The following CACNA1I variants were observed in gnomAD, a reference collection of about 807,000 sequenced individuals.
The protein encoded by CACNA1I is calcium voltage-gated channel subunit alpha1 I, also known as voltage-dependent T-type calcium channel subunit alpha-1I.
Under a neutral mutation model 201.6 loss-of-function variants are expected in CACNA1I, and 74 were observed. That is an observed-to-expected ratio of 0.37 (90% CI 0.30 to 0.45). The LOEUF (loss-of-function observed/expected upper bound fraction) is 0.45. CACNA1I is among the 20% of genes least tolerant of loss of function. The pLI, the probability that CACNA1I is intolerant of heterozygous loss-of-function variation, is 1.00. For missense variants in CACNA1I, 2,346 were observed against 3,138.1 expected (o/e 0.75, Z 6.03); for synonymous variants, 1,431 against 1,345.2 (o/e 1.06, Z -1.40).
At position 39,570,998 on chromosome 22, in the gene CACNA1I, G is replaced by T. The variant is rs781323454; in HGVS notation, c.236+10G>T. The T allele has an allele frequency of 8.7e-6, 14 of 1,608,142 alleles. No individual in the cohort carries two copies. In the African/African-American group the frequency reaches 1.6e-4, roughly 18 times the overall value. On this transcript the variant is annotated intron_variant, in intron 1 of 36. Coordinates refer to ENST00000402142, the MANE Select transcript of CACNA1I (RefSeq NM_021096.4). ...AGATGGTGTGCAACCCATATCCTCCGCAGCCTCGGCTGATCGGGGCCCTGC... is the reference window on the plus strand; with the variant it reads ...AGATGGTGTGCAACCCATATCCTCCTCAGCCTCGGCTGATCGGGGCCCTGC...
At chr22:39,581,091 A>G (rs1055741996) in intron 1 of CACNA1I, among the ~76,000 whole-genome samples, 1 of 152,138 alleles carries the variant, frequency 6.6e-6, no homozygotes, top group Non-Finnish European at 1.5e-5. Flanking sequence ...GGTAGAGGGA[A>G]CCTCTGGGGG....
In CACNA1I at chr22:39,649,218, G is replaced by A. The variant is rs1351655873; in HGVS notation, c.1568-283G>A. Among the ~76,000 whole-genome samples the A allele has an allele frequency of 1.3e-5, 2 of 152,228 alleles. No individual in the cohort carries two copies. The highest frequency in any genetic ancestry group is 1.3e-4 in the Admixed American group (2 of 15,294). ...GGAGGGATGGCCGGTCAGCACGGAT[G>A]CGCGCCCTGCACCGTGCTGGGCCCA... On this transcript the variant is annotated intron_variant, in intron 9 of 36. Transcript: ENST00000402142. The surrounding 1 kb of genome is among the most constrained non-coding windows in gnomAD (Gnocchi z 7.3).
intron 1 of CACNA1I, among the ~76,000 whole-genome samples, chr22:39,572,081 G>T (rs1932202574): frequency 6.6e-6 from 1 of 152,188 alleles, no homozygotes; most frequent in Non-Finnish European, 1.5e-5. Context: ...AGTGAGGTGA[G>T]GCTGCAGGTG....
At chr22:39,673,167 TGGGGTGGGGA>T (rs1001676167) in intron 28 of CACNA1I, 85 bp downstream of exon 28, 5 of 160,174 alleles carry the variant, frequency 3.1e-5, no homozygotes, top group African/African-American at 1.8e-4. Context: ...CACACAGGAG[TGGGGTGGGGA>T]GGGGTGGGGG....
At chr22:39,643,860 C>CAG (rs1411782845) in intron 7 of CACNA1I, among the ~76,000 whole-genome samples, 3 of 152,244 alleles carry the variant, frequency 2.0e-5, no homozygotes, top group Non-Finnish European at 4.4e-5. Flanking sequence ...TTCAGGAAAC[C>CAG]CACACTGCAC....
Position 39,647,822 on chromosome 22 carries a change from A to G in CACNA1I, c.1463A>G (p.His488Arg), listed in dbSNP as rs2146428217. 1.3e-6 allele frequency: 2 copies of G among 1,590,438 alleles called. No homozygotes were observed. Among genetic ancestry groups the G allele is most frequent in the East Asian group, 4.5e-5 (2 of 44,732 alleles). ...GPHAKEPRHY[H>R]GKTKGQGDEG... ...TAGTAATATTATCTCCACTTTTCAG[A>G]TGGGAAGACTAAGGGTCAGGGAGAT... Residue 488 changes from histidine to arginine, a missense_variant and splice_region_variant, in exon 9 of 37, where the codon CAT (histidine) becomes CGT (arginine). This residue lies in a region of CACNA1I where 312 missense variants were observed against 331.5 expected (regional missense o/e 0.94). Coordinates refer to ENST00000402142, the MANE Select transcript of CACNA1I (RefSeq NM_021096.4).
At chr22:39,626,229 C>G (rs368704843) in intron 4 of CACNA1I, among the ~76,000 whole-genome samples, 1 of 152,384 alleles carries the variant, frequency 6.6e-6, no homozygotes, top group Admixed American at 6.5e-5. Context: ...CCCCAGCTCT[C>G]AAGAGAAGTT....
intron 5 of CACNA1I, among the ~76,000 whole-genome samples, chr22:39,637,268 G>T (rs145919108): frequency 3.3e-4 from 50 of 152,340 alleles, no homozygotes; most frequent in Middle Eastern, 6.8e-3. Flanking sequence ...ACCAGCCAGG[G>T]TGGGGACCAA....
chr22:39,617,634 GCT>G (rs1933583124), intron 3 of CACNA1I, among the ~76,000 whole-genome samples: 1 of 152,126 alleles, frequency 6.6e-6, no homozygotes. Flanking sequence ...TGCCTGGAGA[GCT>G]CTTTCTACAA....
At chr22:39,668,838 G>A (rs981508702) in intron 24 of CACNA1I, among the ~76,000 whole-genome samples, 1 of 152,202 alleles carries the variant, frequency 6.6e-6, no homozygotes, top group Non-Finnish European at 1.5e-5. Flanking sequence ...AAGCCCCCGG[G>A]TGTGCCATGA....
Position 39,684,221 on chromosome 22 carries a change from T to C in CACNA1I, c.5831-81T>C. On this transcript the variant is annotated intron_variant, in intron 35 of 36. Transcript: ENST00000402142. The surrounding 1 kb of genome is among the most constrained non-coding windows in gnomAD (Gnocchi z 4.6). ...GCCCCTCACTGCTGGCCCAGTGAGATTGGTGCTCAATGCCACCTTCCAGGG... is the reference window on the plus strand; with the variant it reads ...GCCCCTCACTGCTGGCCCAGTGAGACTGGTGCTCAATGCCACCTTCCAGGG... The C allele has an allele frequency of 5.7e-6, 7 of 1,223,128 alleles. No homozygotes were observed. The highest frequency in any genetic ancestry group is 1.3e-5 in the South Asian group (1 of 76,816). The allele number at this position is 1,223,128 out of a possible 1,614,324, so 75.8% of individuals were successfully genotyped here. A position where few individuals can be genotyped will look rare whatever the true frequency, so the allele number is the denominator to read the frequency against.
Position 39,653,036 on chromosome 22 carries a change from C to T in CACNA1I, c.1992+3111C>T, listed in dbSNP as rs136837. On this transcript the variant is annotated intron_variant, in intron 10 of 36. Coordinates refer to ENST00000402142, the MANE Select transcript of CACNA1I (RefSeq NM_021096.4). The stretch of plus-strand genomic sequence containing the variant: ...CCCATCTGTAAATGGGTACACGGAT[C>T]CCCCCACACGGTGGCTAAGAGGGCT... Among the ~76,000 whole-genome samples the T allele has an allele frequency of 2.2e-3, 268 of 124,192 alleles. 1 individual carries two copies. Among genetic ancestry groups the T allele is most frequent in the African/African-American group, 6.8e-3 (265 of 38,784 alleles). 81.5% of individuals were successfully genotyped at this position (124,192 alleles called of 152,430 possible). A position where few individuals can be genotyped will look rare whatever the true frequency, so the allele number is the denominator to read the frequency against.
chr22:39,634,510 G>T (rs58871994), intron 4 of CACNA1I, 55 bp from the exon 5 acceptor site: 146 of 1,578,798 alleles, frequency 9.2e-5, no homozygotes, highest in Non-Finnish European at 1.2e-4. Context: ...TCACTCTTTC[G>T]TCTCTGGGAC....
chr22:39,680,336 G>A lies in CACNA1I; in HGVS notation c.5541+468G>A, dbSNP rs144753723. Among the ~76,000 whole-genome samples the A allele has an allele frequency of 2.3e-3, 351 of 152,248 alleles. 2 individuals carry two copies. The highest frequency in any genetic ancestry group is 7.9e-3 in the African/African-American group (330 of 41,542). ...CCATGGGCCTGCCTCCAGAGCAGGC[G>A]CAGTTAGCCCCCTCCCCTCTCCCCA... On this transcript the variant is annotated intron_variant, in intron 33 of 36. Transcript: ENST00000402142.
intron 15 of CACNA1I, 86 bp from the exon 16 acceptor site, chr22:39,661,022 T>C (rs1934988449): frequency 1.8e-6 from 2 of 1,098,200 alleles, no homozygotes; most frequent in Admixed American, 3.9e-5. Context: ...TGCTCCTTCC[T>C]TGTTTGTCTG....
At chr22:39,620,501 A>G (rs1446504189) in intron 4 of CACNA1I, among the ~76,000 whole-genome samples, 1 of 152,148 alleles carries the variant, frequency 6.6e-6, no homozygotes, top group Non-Finnish European at 1.5e-5. Context: ...CATGTCCATG[A>G]CCTGTTTTGA....
Position 39,665,445 on chromosome 22 carries a change from G to A in CACNA1I, c.3852-53G>A. ...GGTGACTCTGGGCTGAGTAGGGGCT[G>A]CCTCCTGGCCTGGCCAAGGGATTAT... is the stretch of plus-strand genomic sequence containing the variant. On this transcript the variant is annotated intron_variant, in intron 21 of 36. Transcript: ENST00000402142. This position sits in a 1 kb window ranked among gnomAD's most constrained non-coding sequence, Gnocchi z 5.5. 1 of 1,603,738 alleles carries A rather than the reference G, an allele frequency of 6.2e-7. No individual in the cohort carries two copies.
chr22:39,617,764 C>T (rs1283387434), intron 3 of CACNA1I, among the ~76,000 whole-genome samples: 2 of 147,382 alleles, frequency 1.4e-5, no homozygotes, highest in East Asian at 2.0e-4. Context: ...TGCTGCCCCC[C>T]GCCCACCGCA....
At position 39,681,054 on chromosome 22, in the gene CACNA1I, T is replaced by C; in HGVS notation, c.5664+2T>C. On this transcript the variant is annotated splice_donor_variant, in intron 34 of 36. Transcript: ENST00000402142. LOFTEE classifies it high-confidence loss of function. ...CCACCTGGCCGCAAAGACAGCAAGG[T>C]CAGCTCCCCTGGGGACTCCTGAGCA... 1 of 1,608,330 alleles carries C rather than the reference T, an allele frequency of 6.2e-7. No individual in the cohort carries two copies. Among genetic ancestry groups the C allele is most frequent in the Non-Finnish European group, 8.5e-7 (1 of 1,178,654 alleles).
Sources: allele counts gnomAD v4.1 joint callset (sites outside exome capture counted in the v4.1 genomes callset), GRCh38; gene constraint gnomAD v4.1.1; regional missense constraint gnomAD v4.1.1; non-coding constraint Gnocchi (gnomAD v3.1); transcripts MANE v1.5; gene names NCBI Gene and HGNC (gene_info 2026-07-23, HGNC 2026-07-21).